ADAMTS3: variants seen among roughly 807,000 people sequenced by gnomAD.
The protein encoded by ADAMTS3 is A disintegrin and metalloproteinase with thrombospondin motifs 3.
ADAMTS3 carries 73 observed loss-of-function variants against 129.0 expected under a neutral mutation model. That is an observed-to-expected ratio of 0.57 (90% CI 0.47 to 0.69). ADAMTS3 has a LOEUF of 0.69. Among genes scored for constraint, ADAMTS3 ranks in the 30% least tolerant of loss-of-function variants. ADAMTS3 has a pLI of 0.00. For missense variants in ADAMTS3, 1,457 were observed against 1,514.5 expected (o/e 0.96, Z 0.63); for synonymous variants, 477 against 510.8 (o/e 0.93, Z 0.89).
At position 72,364,716 on chromosome 4, in the gene ADAMTS3, T is replaced by C. The variant is rs117067581; in HGVS notation, c.662-25023A>G. ...ATGTTTATTAATGTATAAAGGAATA[T>C]ATACCACCTCCAGTTAGTTCATGTT... On this transcript the variant is annotated intron_variant, in intron 4 of 21. Transcript: ENST00000286657. 2.8e-3 allele frequency among the ~76,000 whole-genome samples: 420 copies of C among 152,174 alleles called. 11 individuals carry two copies. In the East Asian group the frequency reaches 0.054, roughly 20 times the overall value.
At chr4:72,378,440 C>T (rs1392129171) in intron 4 of ADAMTS3, among the ~76,000 whole-genome samples, 1 of 152,120 alleles carries the variant, frequency 6.6e-6, no homozygotes, top group Non-Finnish European at 1.5e-5. Context: ...TGACTATTTT[C>T]ATAGTTATCA....
chr4:72,515,952 G>A (rs77920343), intron 3 of ADAMTS3, among the ~76,000 whole-genome samples: 98,519 of 151,384 alleles, frequency 0.65, 32,644 homozygotes, highest in African/African-American at 0.79. Flanking sequence ...TTTTCTTCTA[G>A]GGTTTTTATG....
At chr4:72,340,975 C>T (rs2109833282) in intron 4 of ADAMTS3, among the ~76,000 whole-genome samples, 1 of 152,282 alleles carries the variant, frequency 6.6e-6, no homozygotes, top group Middle Eastern at 3.4e-3. Context: ...CCAGCTCTGA[C>T]TCATGCTTTA....
chr4:72,308,494 A>G (rs1003810436), intron 15 of ADAMTS3, among the ~76,000 whole-genome samples: 27 of 151,928 alleles, frequency 1.8e-4, no homozygotes, highest in African/African-American at 6.3e-4. Flanking sequence ...TTTTACTTTC[A>G]TGATTTTATA....
At chr4:72,456,033 C>T (rs13117558) in intron 3 of ADAMTS3, among the ~76,000 whole-genome samples, 108 of 9,046 alleles carry the variant, frequency 0.012, 29 homozygotes, top group African/African-American at 0.035. Flanking sequence ...ATATATTTTA[C>T]ATATAGTATA....
At chr4:72,350,517 T>A (rs1195778945) in intron 4 of ADAMTS3, among the ~76,000 whole-genome samples, 1 of 152,050 alleles carries the variant, frequency 6.6e-6, no homozygotes, top group East Asian at 1.9e-4. Context: ...AATTTTACCC[T>A]TTTGGCTGCT....
chr4:72,413,939 TA>T (rs77132667), intron 4 of ADAMTS3, among the ~76,000 whole-genome samples: 100,891 of 151,104 alleles, frequency 0.67, 34,279 homozygotes, highest in South Asian at 0.8. Flanking sequence ...TAAATAATTT[TA>T]GGGGAAGTTA....
chr4:72,529,985 T>C (rs1720940031), intron 3 of ADAMTS3, among the ~76,000 whole-genome samples: 1 of 52,782 alleles, frequency 1.9e-5, no homozygotes, highest in South Asian at 5.9e-4. Flanking sequence ...ATAAATATAA[T>C]ATATTATATT....
intron 3 of ADAMTS3, among the ~76,000 whole-genome samples, chr4:72,454,769 T>C (rs1161378072): frequency 1.3e-5 from 2 of 151,544 alleles, no homozygotes; most frequent in South Asian, 2.1e-4. Flanking sequence ...GTATGAGCAG[T>C]GGAGGAGAAA....
chr4:72,456,625 A>G (rs1028197744), intron 3 of ADAMTS3, among the ~76,000 whole-genome samples: 2 of 151,190 alleles, frequency 1.3e-5, no homozygotes, highest in African/African-American at 4.8e-5. Flanking sequence ...CATCTGCCAA[A>G]AATGCCGCAT....
chr4:72,507,129 G>A (rs1720183335), intron 3 of ADAMTS3, among the ~76,000 whole-genome samples: 1 of 152,268 alleles, frequency 6.6e-6, no homozygotes, highest in South Asian at 2.1e-4. Flanking sequence ...ATATATAAGT[G>A]TGTATAAATA....
chr4:72,510,836 A>C (rs1720295306), intron 3 of ADAMTS3, among the ~76,000 whole-genome samples: 2 of 150,794 alleles, frequency 1.3e-5, no homozygotes, highest in Non-Finnish European at 1.5e-5. Flanking sequence ...AAAAAAAAAA[A>C]AAAAAAAACT....
intron 3 of ADAMTS3, among the ~76,000 whole-genome samples, chr4:72,527,728 G>A (rs116555705): frequency 0.016 from 2,380 of 152,224 alleles, 22 homozygotes; most frequent in Non-Finnish European, 0.025. Context: ...CTTGGCTTGA[G>A]AACCCTCCTG....
intron 3 of ADAMTS3, among the ~76,000 whole-genome samples, chr4:72,539,709 G>T (rs1458407864): frequency 6.6e-6 from 1 of 152,082 alleles, no homozygotes; most frequent in Non-Finnish European, 1.5e-5. Context: ...ATGGGGGTGG[G>T]TCTTTCCTGT....
intron 3 of ADAMTS3, among the ~76,000 whole-genome samples, chr4:72,438,890 G>T (rs559631760): frequency 7.2e-5 from 11 of 151,838 alleles, no homozygotes; most frequent in Admixed American, 6.6e-4. Context: ...ACTTGCTTAA[G>T]ACCATAACAT....
intron 19 of ADAMTS3, among the ~76,000 whole-genome samples, chr4:72,294,435 G>A (rs1718753918): frequency 2.6e-5 from 4 of 151,644 alleles, no homozygotes; most frequent in Admixed American, 2.6e-4. Context: ...AAATTGCTAG[G>A]AGAGCAGATT....
intron 3 of ADAMTS3, among the ~76,000 whole-genome samples, chr4:72,520,315 C>G (rs1195892013): frequency 6.6e-6 from 1 of 152,340 alleles, no homozygotes; most frequent in East Asian, 1.9e-4. Flanking sequence ...AGGAGGCAGT[C>G]TGCTTGTTCT....
chr4:72,321,324 A>T (rs1230002340), intron 6 of ADAMTS3, among the ~76,000 whole-genome samples: 1 of 149,546 alleles, frequency 6.7e-6, no homozygotes, highest in Non-Finnish European at 1.5e-5. Flanking sequence ...GGCGCCCACC[A>T]CCATTCCTGG....
chr4:72,511,800 A>G (rs574813376), intron 3 of ADAMTS3, among the ~76,000 whole-genome samples: 1 of 152,348 alleles, frequency 6.6e-6, no homozygotes, highest in Non-Finnish European at 1.5e-5. Flanking sequence ...TATCAGAGAG[A>G]TATCTGCACT....
Sources: gnomAD v4.1 joint callset for allele counts (sites outside exome capture counted in the v4.1 genomes callset) on GRCh38, gnomAD v4.1.1 for gene constraint, MANE v1.5 for transcripts, NCBI Gene and HGNC (gene_info 2026-07-23, HGNC 2026-07-21) for gene names.